The following RAD51B variants were observed in gnomAD, a reference collection of about 807,000 sequenced individuals.
RAD51B encodes the protein RAD51 paralog B.
In RAD51B, 38 loss-of-function variants were observed where a neutral mutation model predicts 42.2. The observed-to-expected ratio is 0.90, with a 90% CI of 0.70 to 1.18. RAD51B has a LOEUF of 1.18. Ranked by LOEUF, RAD51B falls within the 50% of genes most tolerant of loss-of-function variation. The pLI is 0.00. For synonymous variants in RAD51B, 154 were observed against 145.2 expected, an observed-to-expected ratio of 1.06 and a Z score of -0.43; for missense variants, 373 against 400.7, an observed-to-expected ratio of 0.93 and a Z score of 0.59.
chr14:68,059,029 CCTAA>C (rs1444264903), intron 7 of RAD51B, among the ~76,000 whole-genome samples: 4 of 152,146 alleles, frequency 2.6e-5, no homozygotes, highest in Non-Finnish European at 4.4e-5. Flanking sequence ...CCTCCACCCT[CCTAA>C]CTTTTTTTTC....
chr14:68,269,657 C>T (rs1322910693), intron 7 of RAD51B, among the ~76,000 whole-genome samples: 1 of 152,110 alleles, frequency 6.6e-6, no homozygotes, highest in Admixed American at 6.5e-5. Flanking sequence ...ACTGTTGGAC[C>T]CTGACTAGGG....
At chr14:68,171,799 G>A (rs558922862) in intron 7 of RAD51B, among the ~76,000 whole-genome samples, 22 of 150,882 alleles carry the variant, frequency 1.5e-4, no homozygotes, top group Non-Finnish European at 2.4e-4. Flanking sequence ...CTCTGCCTCC[G>A]GGGTTCAAGA....
intron 7 of RAD51B, among the ~76,000 whole-genome samples, chr14:67,995,767 G>A (rs963911957): frequency 1.1e-4 from 16 of 151,678 alleles, no homozygotes; most frequent in African/African-American, 2.9e-4. Context: ...ACAGGCGCCC[G>A]CCACCACGCC....
At chr14:68,263,793 G>C (rs2080932730) in intron 7 of RAD51B, among the ~76,000 whole-genome samples, 2 of 152,132 alleles carry the variant, frequency 1.3e-5, no homozygotes, top group South Asian at 4.1e-4. Flanking sequence ...TTTTCTTGTG[G>C]AAAACATCTG....
chr14:68,414,400 A>C (rs888525968), intron 9 of RAD51B, among the ~76,000 whole-genome samples: 3 of 152,074 alleles, frequency 2.0e-5, no homozygotes, highest in Admixed American at 1.3e-4. Flanking sequence ...CCCTTTTTGC[A>C]ACATTTTTAT....
intron 7 of RAD51B, among the ~76,000 whole-genome samples, chr14:68,252,910 G>A (rs112943256): frequency 0.06 from 9,191 of 152,028 alleles, 365 homozygotes; most frequent in Non-Finnish European, 0.093. Flanking sequence ...GCGAAACCCC[G>A]ACTCTACTAA....
At chr14:68,544,028 G>A (rs1888098517) in intron 10 of RAD51B, among the ~76,000 whole-genome samples, 1 of 152,184 alleles carries the variant, frequency 6.6e-6, no homozygotes, top group Non-Finnish European at 1.5e-5. Context: ...ATGGTATTTG[G>A]CAGAGTTGGC....
intron 7 of RAD51B, among the ~76,000 whole-genome samples, chr14:68,092,976 G>C (rs2077127705): frequency 6.7e-6 from 1 of 149,438 alleles, no homozygotes; most frequent in South Asian, 2.2e-4. Flanking sequence ...TTTTGTCTTT[G>C]GTTCTGTTTA....
At chr14:68,079,832 C>T (rs914698749) in intron 7 of RAD51B, among the ~76,000 whole-genome samples, 8 of 152,182 alleles carry the variant, frequency 5.3e-5, no homozygotes, top group East Asian at 3.8e-4. Context: ...GGCGTATGTG[C>T]GCTCTTGTAC....
intron 4 of RAD51B, among the ~76,000 whole-genome samples, chr14:67,841,419 T>C (rs955114622): frequency 6.6e-6 from 1 of 152,226 alleles, no homozygotes; most frequent in African/African-American, 2.4e-5. Flanking sequence ...GCAGAAGCTC[T>C]TTAGTTAGGT....
At chr14:68,191,301 A>T (rs1025993846) in intron 7 of RAD51B, among the ~76,000 whole-genome samples, 2 of 152,136 alleles carry the variant, frequency 1.3e-5, no homozygotes, top group African/African-American at 4.8e-5. Context: ...GAGGCCATAG[A>T]TTTGCTTTAT....
At chr14:68,150,125 A>T (rs1383833038) in intron 7 of RAD51B, among the ~76,000 whole-genome samples, 2 of 151,986 alleles carry the variant, frequency 1.3e-5, no homozygotes, top group Non-Finnish European at 2.9e-5. Flanking sequence ...TGTATTTTTA[A>T]CAAGAGACAG....
chr14:68,682,111 T>G (rs1893444201), intron 11 of RAD51B, among the ~76,000 whole-genome samples: 1 of 152,176 alleles, frequency 6.6e-6, no homozygotes, highest in African/African-American at 2.4e-5. Flanking sequence ...ACTTTTTTTT[T>G]GTCAGCAGCC....
chr14:68,569,276 G>A (rs1889575459), intron 10 of RAD51B, among the ~76,000 whole-genome samples: 1 of 152,204 alleles, frequency 6.6e-6, no homozygotes, highest in African/African-American at 2.4e-5. Flanking sequence ...GGGGTTAGGA[G>A]GGTGATCAAT....
chr14:68,369,129 T>C (rs1308947758), intron 8 of RAD51B, among the ~76,000 whole-genome samples: 1 of 152,234 alleles, frequency 6.6e-6, no homozygotes, highest in Admixed American at 6.5e-5. Context: ...TCTTGGGAGA[T>C]GTGACATGGT....
chr14:67,960,921 G>T (rs1438922255), intron 7 of RAD51B, among the ~76,000 whole-genome samples: 2 of 151,460 alleles, frequency 1.3e-5, no homozygotes, highest in African/African-American at 4.9e-5. Context: ...CTCCCTTCTT[G>T]GTTCCCCCAA....
chr14:68,384,934 C>G (rs1025901822), intron 8 of RAD51B, among the ~76,000 whole-genome samples: 9 of 152,174 alleles, frequency 5.9e-5, no homozygotes, highest in African/African-American at 2.2e-4. Flanking sequence ...AGGATGATTA[C>G]TCTGTGGCCA....
At chr14:68,273,214 G>A (rs764608868) in intron 7 of RAD51B, among the ~76,000 whole-genome samples, 1 of 152,062 alleles carries the variant, frequency 6.6e-6, no homozygotes, top group Non-Finnish European at 1.5e-5. Flanking sequence ...AGTGTGATGA[G>A]GACACTAAGG....
At chr14:67,960,956 C>A (rs182193978) in intron 7 of RAD51B, among the ~76,000 whole-genome samples, 3 of 152,034 alleles carry the variant, frequency 2.0e-5, no homozygotes, top group Non-Finnish European at 4.4e-5. Context: ...AGGCATGAGC[C>A]ACTGTGCCTG....
Sources: allele counts gnomAD v4.1 joint callset (sites outside exome capture counted in the v4.1 genomes callset), GRCh38; gene constraint gnomAD v4.1.1; transcripts MANE v1.5; gene names NCBI Gene and HGNC (gene_info 2026-07-23, HGNC 2026-07-21).